The following KCNT2 variants were observed in gnomAD, a reference collection of about 807,000 sequenced individuals.
KCNT2 encodes potassium channel subfamily T member 2.
Under a neutral mutation model 153.8 loss-of-function variants are expected in KCNT2, and 67 were observed. That is an observed-to-expected ratio of 0.44 (90% CI 0.36 to 0.53). The LOEUF is 0.53. KCNT2 is among the 20% of genes least tolerant of loss of function. The probability of loss-of-function intolerance (pLI) is 0.00; values close to 1 mark genes in which losing one functional copy is unlikely to be tolerated. For missense variants in KCNT2, 975 were observed against 1,354.8 expected, an observed-to-expected ratio of 0.72 and a Z score of 4.40; for synonymous variants, 500 against 458.8, an observed-to-expected ratio of 1.09 and a Z score of -1.15.
At chr1:196,375,014 ATG>A (rs973921074) in intron 13 of KCNT2, among the ~76,000 whole-genome samples, 5 of 151,850 alleles carry the variant, frequency 3.3e-5, no homozygotes, top group African/African-American at 1.2e-4. Flanking sequence ...CAGTAGGGGA[ATG>A]TGAGAAAATG....
intron 1 of KCNT2, among the ~76,000 whole-genome samples, chr1:196,598,029 TCTTA>T (rs1664290678): frequency 1.3e-5 from 2 of 152,156 alleles, no homozygotes; most frequent in Admixed American, 6.5e-5. Context: ...AATCTTAAAG[TCTTA>T]CTGAGAAAAA....
At chr1:196,383,223 A>G (rs1178651751) in intron 13 of KCNT2, among the ~76,000 whole-genome samples, 1 of 152,190 alleles carries the variant, frequency 6.6e-6, no homozygotes, top group East Asian at 1.9e-4. Flanking sequence ...AAATAAAAAG[A>G]AAGAACAGGT....
intron 1 of KCNT2, among the ~76,000 whole-genome samples, chr1:196,541,020 C>T (rs2148872638): frequency 6.6e-6 from 1 of 151,772 alleles, no homozygotes; most frequent in East Asian, 1.9e-4. Flanking sequence ...GAGCCGAGAT[C>T]GCGCCACTGC....
intron 14 of KCNT2, among the ~76,000 whole-genome samples, chr1:196,350,807 G>C (rs559959385): frequency 6.6e-6 from 1 of 152,068 alleles, no homozygotes; most frequent in African/African-American, 2.4e-5. Flanking sequence ...GTAATGCCTA[G>C]GTTTTCTTCT....
intron 13 of KCNT2, among the ~76,000 whole-genome samples, chr1:196,379,293 G>T (rs146753610): frequency 2.0e-5 from 3 of 152,174 alleles, no homozygotes; most frequent in African/African-American, 7.2e-5. Context: ...ATATGTGGCA[G>T]GGTGTGGTGG....
intron 1 of KCNT2, among the ~76,000 whole-genome samples, chr1:196,572,500 G>C (rs992360068): frequency 6.6e-6 from 1 of 152,070 alleles, no homozygotes; most frequent in Non-Finnish European, 1.5e-5. Context: ...GTGAATCAGA[G>C]AAGGCTAAGG....
intron 1 of KCNT2, among the ~76,000 whole-genome samples, chr1:196,527,001 G>A (rs1311772572): frequency 3.3e-5 from 5 of 152,214 alleles, no homozygotes; most frequent in South Asian, 2.1e-4. Flanking sequence ...TCACAGGATC[G>A]CAAACTCTAT....
At chr1:196,537,104 G>T (rs1433571516) in intron 1 of KCNT2, among the ~76,000 whole-genome samples, 1 of 152,110 alleles carries the variant, frequency 6.6e-6, no homozygotes, top group Non-Finnish European at 1.5e-5. Flanking sequence ...TTTCCATAGG[G>T]GTTGTGCCTG....
Position 196,322,720 on chromosome 1 carries a change from A to C in KCNT2, c.2277-3165T>G, listed in dbSNP as rs1663448048. The stretch of plus-strand genomic sequence containing the variant: ...CCCATTTAACTAATAACAATTAAAA[A>C]TTAATTTCTTTATTTCAAGTTCAAG... On this transcript the variant is annotated intron_variant, in intron 19 of 27. Coordinates refer to ENST00000294725, the MANE Select transcript of KCNT2 (RefSeq NM_198503.5). 3.3e-5 allele frequency among the ~76,000 whole-genome samples: 5 copies of C among 151,930 alleles called. No homozygotes were observed. The South Asian group carries it at 1.0e-3, about 31-fold the overall frequency.
intron 8 of KCNT2, among the ~76,000 whole-genome samples, chr1:196,431,024 G>C (rs1674105469): frequency 6.6e-6 from 1 of 152,102 alleles, no homozygotes. Context: ...TCTTATAAAA[G>C]TGTTGGAGGG....
chr1:196,429,679 C>G lies in KCNT2; in HGVS notation c.717G>C (p.Thr239=). 6.2e-7 allele frequency: 1 copy of G among 1,612,656 alleles called. No individual in the cohort carries two copies. The highest frequency in any genetic ancestry group is 8.5e-7 in the Non-Finnish European group (1 of 1,179,136). ...CATCCCCGAAGCCCACAGTAGAAAA[C>G]GTCACAATGCAGAAATAAAGGGAGT... ...LFDSLYFCIV[T]FSTVGFGDVT... Residue 239 remains threonine (T), a synonymous_variant, in exon 9 of 28, where the codon ACG becomes ACC. Coordinates refer to ENST00000294725, the MANE Select transcript of KCNT2 (RefSeq NM_198503.5).
At chr1:196,410,339 A>G (rs1449091606) in intron 12 of KCNT2, among the ~76,000 whole-genome samples, 1 of 147,380 alleles carries the variant, frequency 6.8e-6, no homozygotes, top group South Asian at 2.1e-4. Context: ...TTTTAGTTTG[A>G]TATAATACCA....
intron 1 of KCNT2, among the ~76,000 whole-genome samples, chr1:196,569,871 A>G (rs1660557915): frequency 2.6e-5 from 4 of 152,150 alleles, no homozygotes; most frequent in Non-Finnish European, 4.4e-5. Flanking sequence ...AGAAATTTCT[A>G]TTAAAAATAA....
chr1:196,490,927 G>T (rs1200891212), intron 2 of KCNT2, among the ~76,000 whole-genome samples: 1 of 151,942 alleles, frequency 6.6e-6, no homozygotes, highest in Non-Finnish European at 1.5e-5. Flanking sequence ...TGTTGTGAGT[G>T]TACTTGTGGT....
At chr1:196,523,758 G>T (rs778525845) in intron 1 of KCNT2, among the ~76,000 whole-genome samples, 1 of 152,138 alleles carries the variant, frequency 6.6e-6, no homozygotes. Flanking sequence ...GCCTGGTAAC[G>T]TTTGTGAAAA....
At chr1:196,312,454 C>A (rs1018514990) in intron 21 of KCNT2, among the ~76,000 whole-genome samples, 1 of 151,600 alleles carries the variant, frequency 6.6e-6, no homozygotes, top group African/African-American at 2.4e-5. Context: ...AGGAACGAAT[C>A]AGGGTAAGTG....
intron 1 of KCNT2, among the ~76,000 whole-genome samples, chr1:196,560,772 A>G (rs1461291688): frequency 6.6e-6 from 1 of 151,964 alleles, no homozygotes; most frequent in Non-Finnish European, 1.5e-5. Flanking sequence ...GCTACTTGTG[A>G]CAAATGGTGC....
intron 13 of KCNT2, among the ~76,000 whole-genome samples, chr1:196,382,958 A>G (rs1669636843): frequency 6.6e-6 from 1 of 152,140 alleles, no homozygotes; most frequent in African/African-American, 2.4e-5. Context: ...CGTACATGGA[A>G]TTTTGTTTGT....
At chr1:196,320,458 G>A (rs964366047) in intron 19 of KCNT2, among the ~76,000 whole-genome samples, 4 of 151,700 alleles carry the variant, frequency 2.6e-5, no homozygotes, top group African/African-American at 9.7e-5. Flanking sequence ...CAAACAATAT[G>A]TTATATTTAG....
Sources: gnomAD v4.1 joint callset for allele counts (sites outside exome capture counted in the v4.1 genomes callset) on GRCh38, gnomAD v4.1.1 for gene constraint, MANE v1.5 for transcripts, NCBI Gene and HGNC (gene_info 2026-07-23, HGNC 2026-07-21) for gene names.